ARFIP1: variants seen among roughly 807,000 people sequenced by gnomAD.
ARFIP1 encodes ARF interacting protein 1, also known as arfaptin-1.
In ARFIP1, 24 loss-of-function variants were observed where a neutral mutation model predicts 42.5. That is an observed-to-expected ratio of 0.57 (90% confidence interval 0.41 to 0.80). The LOEUF (loss-of-function observed/expected upper bound fraction) is 0.80. ARFIP1 is among the 30% of genes least tolerant of loss of function. The pLI is 0.00. For missense variants in ARFIP1, 354 were observed against 434.0 expected (o/e 0.82, Z 1.64); for synonymous variants, 141 against 153.7 (o/e 0.92, Z 0.61).
chr4:152,796,301 A>T (rs906906309), intron 1 of ARFIP1: 4 of 946,604 alleles, frequency 4.2e-6, no homozygotes, highest in Admixed American at 4.4e-5. Flanking sequence ...TGTTACATGG[A>T]CTTTCTTGAA....
At chr4:152,784,505 G>A (rs908210520) in intron 1 of ARFIP1, among the ~76,000 whole-genome samples, 2 of 152,180 alleles carry the variant, frequency 1.3e-5, no homozygotes, top group African/African-American at 4.8e-5. Flanking sequence ...GGAATATAAA[G>A]TCTCTTTATG....
Position 152,881,089 on chromosome 4 carries a change from C to G in ARFIP1, c.538C>G (p.Gln180Glu). Reference protein sequence around the residue: ...KKYENILKLAQTLSTQLFQMV... With the variant: ...KKYENILKLAETLSTQLFQMV... ...ATATGAAAATATTTTAAAACTGGCT[C>G]AAACATTGTCGACCCAGCTTTTCCA... The change falls in exon 6 of 9, where the codon CAA becomes GAA. Residue 180 changes from glutamine to glutamate, a missense_variant. Gln to Glu is a conservative substitution (Grantham distance 29). Transcript: ENST00000353617. The G allele has an allele frequency of 1.2e-6, 2 of 1,613,826 alleles. No homozygotes were observed. Among genetic ancestry groups the G allele is most frequent in the Non-Finnish European group, 1.7e-6 (2 of 1,179,770 alleles).
chr4:152,846,625 T>G (rs1294605940), intron 2 of ARFIP1, among the ~76,000 whole-genome samples: 1 of 152,168 alleles, frequency 6.6e-6, no homozygotes, highest in African/African-American at 2.4e-5. Context: ...TCCAAATTCA[T>G]TTTTCTATTT....
chr4:152,809,282 T>C (rs1729260594), intron 1 of ARFIP1, among the ~76,000 whole-genome samples: 1 of 152,172 alleles, frequency 6.6e-6, no homozygotes, highest in South Asian at 2.1e-4. Context: ...GCCATTCATA[T>C]GGGTCCTGAC....
chr4:152,910,074 T>G lies in ARFIP1; in HGVS notation c.977T>G (p.Leu326Trp). The change falls in exon 9 of 9, where the codon TTG (leucine) becomes TGG (tryptophan). Residue 326 changes from leucine to tryptophan, a missense_variant. Leu to Trp is a moderately conservative substitution (Grantham distance 61, BLOSUM62 -2). Coordinates refer to ENST00000353617, the MANE Select transcript of ARFIP1 (RefSeq NM_001025595.3). ...CTGCCCTGTCCACAGGTTAAAGTAT[T>G]GCACAATCAGCTGGTCCTTTTCCAC... Reference protein sequence around the residue: ...KFLEENKVKVLHNQLVLFHNA... With the variant: ...KFLEENKVKVWHNQLVLFHNA... The G allele has an allele frequency of 6.2e-7, 1 of 1,614,190 alleles. No individual in the cohort carries two copies. Among genetic ancestry groups the G allele is most frequent in the South Asian group, 1.1e-5 (1 of 91,080 alleles).
chr4:152,910,060 A>T lies in ARFIP1; in HGVS notation c.967-4A>T. The T allele has an allele frequency of 6.2e-7, 1 of 1,613,662 alleles. No homozygotes were observed. The highest frequency in any genetic ancestry group is 1.7e-5 in the Admixed American group (1 of 59,908). The stretch of plus-strand genomic sequence containing the variant: ...TTGGTCTTGTAACTCTGCCCTGTCC[A>T]CAGGTTAAAGTATTGCACAATCAGC... On this transcript the variant is annotated splice_region_variant and splice_polypyrimidine_tract_variant and intron_variant, in intron 8 of 8. Transcript: ENST00000353617.
intron 3 of ARFIP1, among the ~76,000 whole-genome samples, chr4:152,867,172 C>T (rs1024103079): frequency 2.0e-5 from 3 of 152,162 alleles, no homozygotes; most frequent in East Asian, 1.9e-4. Flanking sequence ...TGTAGCGAGC[C>T]GAGATCACGC....
At chr4:152,796,203 TA>T in intron 1 of ARFIP1, 1 of 801,502 alleles carries the variant, frequency 1.2e-6, no homozygotes, top group Non-Finnish European at 2.2e-6. Context: ...TCTTTAGTAA[TA>T]ACACCCAAAG....
At chr4:152,907,627 T>TTA (rs1470688241) in intron 8 of ARFIP1, among the ~76,000 whole-genome samples, 1 of 152,340 alleles carries the variant, frequency 6.6e-6, no homozygotes, top group East Asian at 1.9e-4. Flanking sequence ...GAACTCTATG[T>TTA]AAGTGGAATC....
intron 1 of ARFIP1, among the ~76,000 whole-genome samples, chr4:152,787,364 T>C (rs1730869110): frequency 1.3e-5 from 2 of 152,250 alleles, no homozygotes; most frequent in Admixed American, 1.3e-4. Flanking sequence ...TACATAATTC[T>C]ACACCCAACT....
At chr4:152,841,270 G>A (rs1235290680) in intron 2 of ARFIP1, among the ~76,000 whole-genome samples, 6 of 151,998 alleles carry the variant, frequency 3.9e-5, no homozygotes, top group East Asian at 1.9e-4. Context: ...TCCTGACCTC[G>A]TGATCCGCCC....
chr4:152,883,475 C>G (rs1225818211), intron 7 of ARFIP1, among the ~76,000 whole-genome samples: 4 of 152,042 alleles, frequency 2.6e-5, no homozygotes, highest in African/African-American at 9.7e-5. Flanking sequence ...CAGTCATCTT[C>G]CATTTATCCA....
intron 1 of ARFIP1, among the ~76,000 whole-genome samples, chr4:152,805,072 A>T (rs144174151): frequency 9.4e-4 from 143 of 152,294 alleles, no homozygotes; most frequent in African/African-American, 3.4e-3. Context: ...ATTTTTAGTG[A>T]TGAGTGTTAG....
At chr4:152,825,421 C>T (rs1441049353) in intron 1 of ARFIP1, among the ~76,000 whole-genome samples, 5 of 152,206 alleles carry the variant, frequency 3.3e-5, no homozygotes, top group Admixed American at 6.5e-5. Context: ...TGATCTTTGA[C>T]AATGCATACA....
At position 152,806,043 on chromosome 4, in the gene ARFIP1, A is replaced by G. The variant is rs984720408; in HGVS notation, c.-9-23582A>G. Reference sequence around the variant, plus strand: ...TACTTGGCTAAAGTCTTACTTGGCAAACCAGTTATGCCTGTATTGCTATTT... The same window carrying G: ...TACTTGGCTAAAGTCTTACTTGGCAGACCAGTTATGCCTGTATTGCTATTT... On this transcript the variant is annotated intron_variant, in intron 1 of 8. Transcript: ENST00000353617. 3.9e-4 allele frequency among the ~76,000 whole-genome samples: 59 copies of G among 152,260 alleles called. 1 individual carries two copies. Among genetic ancestry groups the G allele is most frequent in the African/African-American group, 1.4e-3 (58 of 41,470 alleles).
intron 1 of ARFIP1, among the ~76,000 whole-genome samples, chr4:152,789,935 TCCAA>T (rs1731052814): frequency 6.6e-6 from 1 of 152,216 alleles, no homozygotes; most frequent in African/African-American, 2.4e-5. Context: ...CAGCCTTTTC[TCCAA>T]GGAGCACTGA....
rs58405390 is a variant in ARFIP1, at chr4:152,886,104, ATTTGTCTCCTTAGCTCCAATGCC to A, written c.792-2022_792-2000del. Among the ~76,000 whole-genome samples the A allele has an allele frequency of 5.1e-3, 772 of 152,076 alleles. 4 individuals are homozygous for A. The highest frequency in any genetic ancestry group is 0.017 in the African/African-American group (725 of 41,532). Reference sequence around the variant, plus strand: ...CAGTCTTGCCTCCTAAATCTTTTGTATTTGTCTCCTTAGCTCCAATGCCTTTGTCCTGATTCAGTGACTCATTT... The same window carrying A: ...CAGTCTTGCCTCCTAAATCTTTTGTATTTGTCCTGATTCAGTGACTCATTT... On this transcript the variant is annotated intron_variant, in intron 7 of 8. Coordinates refer to ENST00000353617, the MANE Select transcript of ARFIP1 (RefSeq NM_001025595.3).
rs1734067769 is a variant in ARFIP1 at position 152,863,619 on chromosome 4, C to T, written c.107C>T (p.Ser36Leu). Residue 36 changes from serine to leucine, a missense_variant, in exon 3 of 9, where the codon TCA (serine) becomes TTA (leucine). Ser to Leu is a moderately radical substitution (Grantham distance 145). Coordinates refer to ENST00000353617, the MANE Select transcript of ARFIP1 (RefSeq NM_001025595.3). Reference sequence around the variant, plus strand: ...AATCTTGCTAAGGATTTGAAGCATTCATTACCATCTGGACTTGGTCTCTCA... The same window carrying T: ...AATCTTGCTAAGGATTTGAAGCATTTATTACCATCTGGACTTGGTCTCTCA... ...EHSFNRDLKH[S>L]LPSGLGLSET... 1.9e-6 allele frequency: 3 copies of T among 1,595,186 alleles called. No homozygotes were observed. Among genetic ancestry groups the T allele is most frequent in the Admixed American group, 1.7e-5 (1 of 59,784 alleles).
chr4:152,812,267 T>C (rs1472408650), intron 1 of ARFIP1, among the ~76,000 whole-genome samples: 1 of 152,248 alleles, frequency 6.6e-6, no homozygotes, highest in Non-Finnish European at 1.5e-5. Context: ...CGATCATGGC[T>C]CACGGCAACT....
Sources: gnomAD v4.1 joint callset for allele counts (sites outside exome capture counted in the v4.1 genomes callset) on GRCh38, gnomAD v4.1.1 for gene constraint, MANE v1.5 for transcripts, NCBI Gene and HGNC (gene_info 2026-07-23, HGNC 2026-07-21) for gene names.